Variants in SLC9A9 observed in about 807,000 individuals in gnomAD.
SLC9A9 encodes sodium/hydrogen exchanger 9.
Under a neutral mutation model 77.8 loss-of-function variants are expected in SLC9A9, and 62 were observed. The ratio of observed to expected loss-of-function variants is 0.80; its 90% CI spans 0.65 to 0.98. The LOEUF is 0.98. Ranked by LOEUF, SLC9A9 falls within the 50% of genes least tolerant of loss-of-function variation. The pLI is 0.00. For missense variants in SLC9A9, 775 were observed against 774.9 expected, an observed-to-expected ratio of 1.00 and a Z score of 0.00; for synonymous variants, 320 against 283.5, an observed-to-expected ratio of 1.13 and a Z score of -1.29.
chr3:143,792,284 G>GT (rs1473372150), intron 4 of SLC9A9, among the ~76,000 whole-genome samples: 1 of 152,178 alleles, frequency 6.6e-6, no homozygotes, highest in Non-Finnish European at 1.5e-5. Context: ...TATAATGGAA[G>GT]TTACCAAGTT....
intron 12 of SLC9A9, among the ~76,000 whole-genome samples, chr3:143,384,111 G>T (rs1190861219): frequency 6.6e-6 from 1 of 151,824 alleles, no homozygotes; most frequent in Admixed American, 6.6e-5. Flanking sequence ...CTATTTGATT[G>T]ATGTCATCTG....
At chr3:143,390,132 T>C (rs924051646) in intron 12 of SLC9A9, among the ~76,000 whole-genome samples, 2 of 152,248 alleles carry the variant, frequency 1.3e-5, no homozygotes, top group Non-Finnish European at 2.9e-5. Flanking sequence ...ATTCCTGTCC[T>C]GGTATTCCAA....
At chr3:143,789,222 C>G (rs1050689272) in intron 4 of SLC9A9, among the ~76,000 whole-genome samples, 1 of 152,108 alleles carries the variant, frequency 6.6e-6, no homozygotes, top group Non-Finnish European at 1.5e-5. Context: ...TACTTTACGG[C>G]CACCCTGAGT....
chr3:143,771,559 C>T (rs1237757553), intron 4 of SLC9A9, among the ~76,000 whole-genome samples: 1 of 152,186 alleles, frequency 6.6e-6, no homozygotes, highest in Non-Finnish European at 1.5e-5. Context: ...AGCTCAAGTA[C>T]AGCTAAAGAC....
chr3:143,827,411 TA>T (rs2009327338), intron 2 of SLC9A9, among the ~76,000 whole-genome samples: 1 of 152,176 alleles, frequency 6.6e-6, no homozygotes, highest in African/African-American at 2.4e-5. Flanking sequence ...TAAGTGAAAA[TA>T]TTTTTTTTCT....
At chr3:143,646,440 TTTC>T (rs1173754696) in intron 6 of SLC9A9, among the ~76,000 whole-genome samples, 1 of 148,946 alleles carries the variant, frequency 6.7e-6, no homozygotes, top group Non-Finnish European at 1.5e-5. Context: ...TATATTAAAT[TTTC>T]TTATTTGATA....
chr3:143,739,334 C>G (rs948048506), intron 4 of SLC9A9, among the ~76,000 whole-genome samples: 2 of 152,082 alleles, frequency 1.3e-5, no homozygotes. Flanking sequence ...GTGCCAGACA[C>G]CAGGGAAAAG....
At chr3:143,815,490 A>G (rs564125156) in intron 2 of SLC9A9, among the ~76,000 whole-genome samples, 7 of 151,938 alleles carry the variant, frequency 4.6e-5, no homozygotes, top group African/African-American at 1.7e-4. Flanking sequence ...TGTTTGACAC[A>G]CTGTGAAGCC....
chr3:143,472,392 G>T (rs2035393654), intron 11 of SLC9A9, among the ~76,000 whole-genome samples: 1 of 152,194 alleles, frequency 6.6e-6, no homozygotes. Context: ...AATAAATGGT[G>T]AGGCAAAAGA....
chr3:143,458,498 C>T (rs1266170528), intron 12 of SLC9A9, among the ~76,000 whole-genome samples: 1 of 151,706 alleles, frequency 6.6e-6, no homozygotes, highest in Admixed American at 6.6e-5. Context: ...CTATTTTTCC[C>T]CTCTGTTTTC....
At chr3:143,345,358 A>G (rs1273094200) in intron 14 of SLC9A9, among the ~76,000 whole-genome samples, 1 of 152,176 alleles carries the variant, frequency 6.6e-6, no homozygotes, top group Non-Finnish European at 1.5e-5. Context: ...GGGGAAATTC[A>G]GAGTATTGAG....
At chr3:143,571,808 G>C (rs921460884) in intron 8 of SLC9A9, among the ~76,000 whole-genome samples, 2 of 152,160 alleles carry the variant, frequency 1.3e-5, no homozygotes, top group Non-Finnish European at 2.9e-5. Context: ...AAATGGTCCT[G>C]TGATGTGCAT....
chr3:143,760,780 A>G (rs1210163774), intron 4 of SLC9A9, among the ~76,000 whole-genome samples: 1 of 152,204 alleles, frequency 6.6e-6, no homozygotes, highest in Non-Finnish European at 1.5e-5. Context: ...GGTAATTTAT[A>G]GATTCAATGC....
intron 7 of SLC9A9, among the ~76,000 whole-genome samples, chr3:143,576,112 T>C (rs1367459006): frequency 2.0e-5 from 3 of 152,242 alleles, no homozygotes; most frequent in African/African-American, 7.2e-5. Flanking sequence ...AGAATTCTGA[T>C]TTTAGTTTCT....
chr3:143,806,992 T>C (rs747111958), intron 2 of SLC9A9, among the ~76,000 whole-genome samples: 2 of 152,194 alleles, frequency 1.3e-5, no homozygotes, highest in Non-Finnish European at 2.9e-5. Context: ...TGTTTGGGCA[T>C]TGTCAGAACC....
chr3:143,400,354 G>A (rs780901817), intron 12 of SLC9A9, among the ~76,000 whole-genome samples: 44 of 152,136 alleles, frequency 2.9e-4, no homozygotes, highest in Non-Finnish European at 4.6e-4. Context: ...CTACTCAGCC[G>A]TAAAAAAGAA....
At chr3:143,721,133 C>T (rs74699250) in intron 4 of SLC9A9, among the ~76,000 whole-genome samples, 2 of 152,026 alleles carry the variant, frequency 1.3e-5, no homozygotes, top group East Asian at 3.9e-4. Flanking sequence ...TGGGAAGATC[C>T]CTCAAGTTTA....
At chr3:143,498,341 GT>G (rs571416438) in intron 9 of SLC9A9, among the ~76,000 whole-genome samples, 22 of 152,242 alleles carry the variant, frequency 1.4e-4, no homozygotes, top group South Asian at 4.2e-4. Context: ...ATTTTTGCAT[GT>G]TTAAAGAAAT....
intron 13 of SLC9A9, among the ~76,000 whole-genome samples, chr3:143,379,646 GCCC>G (rs974954742): frequency 4.6e-5 from 7 of 152,198 alleles, no homozygotes; most frequent in Non-Finnish European, 1.0e-4. Flanking sequence ...TCTACAGGAG[GCCC>G]CAAGTGAGAA....
Sources: allele counts gnomAD v4.1 joint callset (sites outside exome capture counted in the v4.1 genomes callset), GRCh38; gene constraint gnomAD v4.1.1; transcripts MANE v1.5; gene names NCBI Gene and HGNC (gene_info 2026-07-23, HGNC 2026-07-21).